Variants in ATRN observed in about 807,000 individuals in gnomAD.
ATRN encodes the protein attractin-2.
In ATRN, 54 loss-of-function variants were observed where a neutral mutation model predicts 178.7. The observed-to-expected ratio is 0.30, with a 90% confidence interval of 0.24 to 0.38. ATRN has a LOEUF of 0.38. ATRN is among the 10% of genes least tolerant of loss of function. The pLI is 1.00. For synonymous variants in ATRN, 636 were observed against 663.0 expected (o/e 0.96, Z 0.63); for missense variants, 1,443 against 1,815.1 (o/e 0.79, Z 3.73).
chr20:3,489,234 T>TA (rs1358897997), intron 1 of ATRN, among the ~76,000 whole-genome samples: 6 of 152,248 alleles, frequency 3.9e-5, no homozygotes, highest in Non-Finnish European at 8.8e-5. Context: ...GTGCTGGCAT[T>TA]ACAGGTGTGA....
chr20:3,475,051 A>G (rs1393322636), intron 1 of ATRN, among the ~76,000 whole-genome samples: 1 of 151,876 alleles, frequency 6.6e-6, no homozygotes, highest in East Asian at 1.9e-4. Context: ...AAAAAAAAAA[A>G]AAATTTAGTC....
In ATRN at chr20:3,549,351, A is replaced by G. The variant is rs756641962; in HGVS notation, c.1112+13A>G. The stretch of plus-strand genomic sequence containing the variant: ...ACATGGTTCTAGCGTAAGTCGTTTT[A>G]AACATTTTTGCAAGAAGCTTAGTTT... On this transcript the variant is annotated intron_variant, in intron 6 of 28. Transcript: ENST00000262919. 4.0e-6 allele frequency: 6 copies of G among 1,509,154 alleles called. No individual in the cohort carries two copies. The highest frequency in any genetic ancestry group is 5.3e-6 in the Non-Finnish European group (6 of 1,135,048). 93.5% of individuals were successfully genotyped at this position (1,509,154 alleles called of 1,614,324 possible).
chr20:3,495,221 A>G (rs2146096809), intron 1 of ATRN, among the ~76,000 whole-genome samples: 1 of 152,302 alleles, frequency 6.6e-6, no homozygotes, highest in East Asian at 1.9e-4. Flanking sequence ...GAATGCAGAA[A>G]TATTTTTAGT....
chr20:3,582,067 CCAT>C, intron 15 of ATRN, 65 bp from the exon 16 acceptor site: 1 of 1,413,704 alleles, frequency 7.1e-7, no homozygotes, highest in Middle Eastern at 2.0e-4. Flanking sequence ...TGGCAAGACT[CCAT>C]CTCCAAAATT....
At chr20:3,569,941 C>T (rs2086095642) in intron 11 of ATRN, among the ~76,000 whole-genome samples, 3 of 151,792 alleles carry the variant, frequency 2.0e-5, no homozygotes, top group Admixed American at 1.3e-4. Flanking sequence ...CATGGTGGTG[C>T]GTGCCTGTTG....
At position 3,598,142 on chromosome 20, in the gene ATRN, G is replaced by A. The variant is rs1167000259; in HGVS notation, c.3564+142G>A. On this transcript the variant is annotated intron_variant, in intron 22 of 28. Transcript: ENST00000262919. Reference sequence around the variant, plus strand: ...ATCTCTAGAGGTATAGGAAAGAAATGTTAGACTCTACGTTATCTCCTTTCC... The same window carrying A: ...ATCTCTAGAGGTATAGGAAAGAAATATTAGACTCTACGTTATCTCCTTTCC... 6 of 578,590 alleles carry A rather than the reference G, an allele frequency of 1.0e-5. No individual in the cohort carries two copies. In the East Asian group the frequency reaches 1.1e-4, roughly 10 times the overall value. The allele number at this position is 578,590 out of a possible 1,614,324, so 35.8% of individuals were successfully genotyped here.
chr20:3,490,147 A>T lies in ATRN; in HGVS notation c.410+18630A>T, dbSNP rs533094670. On this transcript the variant is annotated intron_variant, in intron 1 of 28. Transcript: ENST00000262919. ...AAAGAGTTATCAAGTGACTCCAGGG[A>T]CTTTCCTTTGGTACTGAATAGTCTC... 1.6e-5 allele frequency: 24 copies of T among 1,495,222 alleles called. No homozygotes were observed. The South Asian group carries it at 2.6e-4, about 16-fold the overall frequency. The allele number at this position is 1,495,222 out of a possible 1,614,324, so 92.6% of individuals were successfully genotyped here.
chr20:3,540,730 A>G (rs2085606731), intron 3 of ATRN, among the ~76,000 whole-genome samples: 1 of 152,202 alleles, frequency 6.6e-6, no homozygotes, highest in Admixed American at 6.5e-5. Flanking sequence ...TGCCCACTGC[A>G]TAGGCCTTCA....
intron 5 of ATRN, among the ~76,000 whole-genome samples, chr20:3,547,836 G>GAAACACACTCTA (rs1449101169): frequency 2.0e-5 from 3 of 152,136 alleles, no homozygotes; most frequent in Non-Finnish European, 4.4e-5. Flanking sequence ...TCTAAGTTCA[G>GAAACACACTCTA]AGAAAATTGG....
rs1420037505 is a variant in ATRN, at chr20:3,545,901, T to G, written c.737+11T>G. On this transcript the variant is annotated intron_variant, in intron 4 of 28. Coordinates refer to ENST00000262919, the MANE Select transcript of ATRN (RefSeq NM_139321.3). ...TAATATTACTTACAGGTAAGATACTTAAGTCTAGTATTTGTGATTTCATTC... is the reference window on the plus strand; with the variant it reads ...TAATATTACTTACAGGTAAGATACTGAAGTCTAGTATTTGTGATTTCATTC... 14 of 1,611,834 alleles carry G rather than the reference T, an allele frequency of 8.7e-6. No homozygotes were observed. The highest frequency in any genetic ancestry group is 1.2e-5 in the Non-Finnish European group (14 of 1,178,236).
In ATRN at chr20:3,545,894, A is replaced by G; in HGVS notation, c.737+4A>G. ...CTGGATTTAATATTACTTACAGGTA[A>G]GATACTTAAGTCTAGTATTTGTGAT... is the stretch of plus-strand genomic sequence containing the variant. On this transcript the variant is annotated splice_donor_region_variant and intron_variant, in intron 4 of 28. Transcript: ENST00000262919. 6.2e-7 allele frequency: 1 copy of G among 1,613,076 alleles called. No homozygotes were observed. Among genetic ancestry groups the G allele is most frequent in the South Asian group, 1.1e-5 (1 of 91,038 alleles).
rs777838066 is a variant in ATRN, at chr20:3,563,312, A to G, written c.1735A>G (p.Met579Val). Reference protein sequence around the residue: ...FGGNTHNDTSMSHGAKCFSSD... With the variant: ...FGGNTHNDTSVSHGAKCFSSD... ...AGGAAACACACACAATGACACATCT[A>G]TGAGCCATGGCGCCAAATGCTTCTC... The change falls in exon 10 of 29, where the codon ATG becomes GTG. Residue 579 changes from methionine to valine, a missense_variant. Physicochemically the swap from Met to Val is conservative, Grantham distance 21. Around this residue, in one of 4 missense-constraint regions of ATRN, gnomAD observed 862 missense variants for 972.1 expected, o/e 0.89. Coordinates refer to ENST00000262919, the MANE Select transcript of ATRN (RefSeq NM_139321.3). The G allele has an allele frequency of 3.1e-6, 5 of 1,614,050 alleles. No individual in the cohort carries two copies. The highest frequency in any genetic ancestry group is 2.7e-5 in the African/African-American group (2 of 74,932).
intron 1 of ATRN, among the ~76,000 whole-genome samples, chr20:3,497,089 C>T (rs1600032494): frequency 6.6e-6 from 1 of 150,608 alleles, no homozygotes. Flanking sequence ...GAATACAGCA[C>T]ACTGATGGGT....
chr20:3,516,460 G>A (rs570237949), intron 1 of ATRN, among the ~76,000 whole-genome samples: 1 of 152,074 alleles, frequency 6.6e-6, no homozygotes, highest in African/African-American at 2.4e-5. Flanking sequence ...TTTAAACTGT[G>A]GCATGCCATA....
Position 3,623,055 on chromosome 20 carries a change from T to C in ATRN, c.3802-1456T>C, listed in dbSNP as rs533207781. 2.6e-5 allele frequency among the ~76,000 whole-genome samples: 4 copies of C among 152,348 alleles called. No homozygotes were observed. In the South Asian group the frequency reaches 8.3e-4, roughly 32 times the overall value. ...TTAAGTGTAAACACCGAGGACACAC[T>C]TAACGTTTTAAAAGATTGAAATCCA... On this transcript the variant is annotated intron_variant, in intron 24 of 28. Coordinates refer to ENST00000262919, the MANE Select transcript of ATRN (RefSeq NM_139321.3).
At chr20:3,615,872 A>C (rs944664329) in intron 24 of ATRN, 11 of 453,636 alleles carry the variant, frequency 2.4e-5, no homozygotes, top group South Asian at 1.4e-4. Flanking sequence ...GAAGGGGAAC[A>C]TCACACACCA....
rs138989005 is a variant in ATRN at position 3,569,249 on chromosome 20, A to G, written c.1872-3482A>G. ...CTTAGGCAATTTCATCATTGTGCCA[A>G]CATCACAGAGTGTACTTACATAAAC... On this transcript the variant is annotated intron_variant, in intron 11 of 28. Transcript: ENST00000262919. Among the ~76,000 whole-genome samples the G allele has an allele frequency of 7.6e-3, 1,154 of 152,316 alleles. 14 individuals carry two copies. Among genetic ancestry groups the G allele is most frequent in the African/African-American group, 0.026 (1,075 of 41,562 alleles).
intron 25 of ATRN, chr20:3,629,399 C>T (rs1182913712): frequency 5.5e-6 from 4 of 726,348 alleles, no homozygotes; most frequent in Non-Finnish European, 6.7e-6. Context: ...TCTTTCCCTA[C>T]ACTGAGCATT....
At chr20:3,568,571 C>G (rs2086071711) in intron 11 of ATRN, among the ~76,000 whole-genome samples, 1 of 152,122 alleles carries the variant, frequency 6.6e-6, no homozygotes, top group Non-Finnish European at 1.5e-5. Context: ...TATAAAGTAA[C>G]TATAAACACT....
Sources: gnomAD v4.1 joint callset for allele counts (sites outside exome capture counted in the v4.1 genomes callset) on GRCh38, gnomAD v4.1.1 for gene constraint, gnomAD v4.1.1 regional missense constraint, MANE v1.5 for transcripts, NCBI Gene and HGNC (gene_info 2026-07-23, HGNC 2026-07-21) for gene names.